The following POU3F3 variants were observed in gnomAD, a reference collection of about 807,000 sequenced individuals.
POU3F3 encodes the protein POU class 3 homeobox 3.
A neutral mutation model predicts 8.6 loss-of-function variants in POU3F3; 1 was observed. The ratio of observed to expected loss-of-function variants is 0.12; its 90% CI spans 0.04 to 0.55. The LOEUF (loss-of-function observed/expected upper bound fraction) is 0.55, where lower values mean the gene tolerates loss of function less well. POU3F3 is among the 20% of genes least tolerant of loss of function. The pLI, the probability that POU3F3 is intolerant of heterozygous loss-of-function variation, is 0.91. For missense variants in POU3F3, 577 were observed against 690.7 expected (o/e 0.84, Z 1.84); for synonymous variants, 418 against 327.4 (o/e 1.28, Z -2.99).
rs1455544838 is a variant in POU3F3, at chr2:104,854,124, T to C, written c.-1387T>C. On this transcript the variant is annotated 5_prime_UTR_variant, in exon 1 of 1. Transcript: ENST00000361360. This position sits in a 1 kb window ranked among gnomAD's most constrained non-coding sequence, Gnocchi z 4.5. ...GCGGCGGAGGGTAAACATTCGACAG[T>C]CCCCGCTCTGAGAGGGAGGGACAGA... Among the ~76,000 whole-genome samples the C allele has an allele frequency of 6.6e-6, 1 of 151,524 alleles. No homozygotes were observed. The highest frequency in any genetic ancestry group is 1.5e-5 in the Non-Finnish European group (1 of 67,902).
rs1051355232 is a variant in POU3F3, at chr2:104,856,503, G to A, written c.993G>A (p.Gln331=). The change falls in exon 1 of 1, where the codon CAG becomes CAA. Residue 331 remains glutamine (Q), a synonymous_variant. Transcript: ENST00000361360. ...AGCAGTTCGCCAAGCAGTTCAAGCA[G>A]CGGCGCATCAAGCTGGGCTTCACGC... is the stretch of plus-strand genomic sequence containing the variant. ...DLEQFAKQFK[Q]RRIKLGFTQA... 1 of 1,613,958 alleles carries A rather than the reference G, an allele frequency of 6.2e-7. No individual in the cohort carries two copies. Among genetic ancestry groups the A allele is most frequent in the East Asian group, 2.2e-5 (1 of 44,874 alleles).
At chr2:104,882,235 A>G in the POU3F3 span, among the ~76,000 whole-genome samples, 1 of 146,672 alleles carries the variant, frequency 6.8e-6, no homozygotes, top group South Asian at 2.1e-4. Context: ...GTTGGAAAGA[A>G]AACCTGAATT....
the POU3F3 span, among the ~76,000 whole-genome samples, chr2:104,904,031 G>A: frequency 6.6e-6 from 1 of 152,290 alleles, no homozygotes; most frequent in Non-Finnish European, 1.5e-5. Context: ...GATGGGGAAG[G>A]TTCCAGAGGG....
chr2:104,877,670 T>C, the POU3F3 span, among the ~76,000 whole-genome samples: 1 of 149,994 alleles, frequency 6.7e-6, no homozygotes, highest in Non-Finnish European at 1.5e-5. Flanking sequence ...CTTTTTTTTT[T>C]TTTTTTTGAG....
the POU3F3 span, among the ~76,000 whole-genome samples, chr2:104,902,451 A>G: frequency 1.5e-4 from 23 of 152,226 alleles, no homozygotes; most frequent in Non-Finnish European, 3.1e-4. Flanking sequence ...GTCATTTAAC[A>G]TAAAACATAA....
the POU3F3 span, among the ~76,000 whole-genome samples, chr2:104,917,547 G>C: frequency 6.6e-6 from 1 of 152,066 alleles, no homozygotes; most frequent in Non-Finnish European, 1.5e-5. Context: ...AATTTGGGGG[G>C]ATGGGAGTTT....
chr2:104,916,145 T>A, the POU3F3 span, among the ~76,000 whole-genome samples: 5 of 152,010 alleles, frequency 3.3e-5, no homozygotes, highest in African/African-American at 1.2e-4. Flanking sequence ...CAGAAGACTG[T>A]CTAATTCTCA....
At chr2:104,912,452 T>TGG in the POU3F3 span, among the ~76,000 whole-genome samples, 6 of 151,796 alleles carry the variant, frequency 4.0e-5, no homozygotes, top group Middle Eastern at 3.2e-3. Context: ...CTATGTGGTG[T>TGG]GGGGGGCCCC....
At chr2:104,862,932 T>C (rs1041975195), downstream of POU3F3, among the ~76,000 whole-genome samples, 5 of 151,968 alleles carry the variant, frequency 3.3e-5, no homozygotes, top group African/African-American at 1.2e-4. Context: ...TGAAACGCGA[T>C]GTTTTGTTCA....
downstream of POU3F3, among the ~76,000 whole-genome samples, chr2:104,862,150 G>A (rs1676666572): frequency 6.6e-6 from 1 of 152,196 alleles, no homozygotes; most frequent in Non-Finnish European, 1.5e-5. Context: ...ATGCGGGCGC[G>A]AGCTTGGCGA....
rs1676529265 is a variant in POU3F3 at position 104,855,331 on chromosome 2, C to T, written c.-180C>T. The stretch of plus-strand genomic sequence containing the variant: ...GCGGCGGCGGGGGCGGAGGCGGCGG[C>T]GGAGGAGGAGGCGGCGAAGGCGGCG... On this transcript the variant is annotated 5_prime_UTR_variant, in exon 1 of 1. Transcript: ENST00000361360. 7.6e-6 allele frequency among the ~76,000 whole-genome samples: 1 copy of T among 131,644 alleles called. No individual in the cohort carries two copies. Among genetic ancestry groups the T allele is most frequent in the Admixed American group, 7.5e-5 (1 of 13,358 alleles). The allele number at this position is 131,644 out of a possible 152,430, so 86.4% of individuals were successfully genotyped here.
the POU3F3 span, among the ~76,000 whole-genome samples, chr2:104,922,834 A>G: frequency 2.0e-5 from 3 of 152,240 alleles, no homozygotes; most frequent in African/African-American, 7.2e-5. Context: ...GATGAACTCA[A>G]TGAGACCCAC....
chr2:104,902,432 A>C, the POU3F3 span, among the ~76,000 whole-genome samples: 2 of 152,218 alleles, frequency 1.3e-5, no homozygotes, highest in African/African-American at 2.4e-5. Context: ...GTGTTCCAGA[A>C]CCTTCACTGT....
chr2:104,877,334 C>A, the POU3F3 span, among the ~76,000 whole-genome samples: 1 of 152,190 alleles, frequency 6.6e-6, no homozygotes, highest in Non-Finnish European at 1.5e-5. Context: ...CTCCAACTGA[C>A]CCTGCCAGGG....
the POU3F3 span, among the ~76,000 whole-genome samples, chr2:104,876,098 T>C: frequency 6.6e-6 from 1 of 152,186 alleles, no homozygotes; most frequent in African/African-American, 2.4e-5. Context: ...ACGAACACTA[T>C]TGGATGATTA....
the POU3F3 span, among the ~76,000 whole-genome samples, chr2:104,880,013 G>C: frequency 6.6e-6 from 1 of 152,150 alleles, no homozygotes; most frequent in African/African-American, 2.4e-5. Flanking sequence ...TGTGACTATA[G>C]AGGGTGGCTT....
chr2:104,907,278 C>T, the POU3F3 span, among the ~76,000 whole-genome samples: 2 of 152,294 alleles, frequency 1.3e-5, no homozygotes, highest in South Asian at 4.1e-4. Context: ...CTTCCTGGGC[C>T]ACCCTACAGA....
At chr2:104,908,762 A>C in the POU3F3 span, among the ~76,000 whole-genome samples, 1 of 152,258 alleles carries the variant, frequency 6.6e-6, no homozygotes, top group Non-Finnish European at 1.5e-5. Flanking sequence ...AAAGAATGTA[A>C]GAATCAATCC....
the POU3F3 span, among the ~76,000 whole-genome samples, chr2:104,916,567 T>C: frequency 6.6e-6 from 1 of 152,194 alleles, no homozygotes; most frequent in African/African-American, 2.4e-5. Flanking sequence ...GGCCGCCTTA[T>C]GACATGGTGT....
Sources: gnomAD v4.1 joint callset for allele counts (sites outside exome capture counted in the v4.1 genomes callset) on GRCh38, gnomAD v4.1.1 for gene constraint, Gnocchi (gnomAD v3.1) non-coding constraint, MANE v1.5 for transcripts, NCBI Gene and HGNC (gene_info 2026-07-23, HGNC 2026-07-21) for gene names.